OCA2: variants seen among roughly 807,000 people sequenced by gnomAD.
The protein encoded by OCA2 is OCA2 melanosomal transmembrane protein.
OCA2 carries 77 observed loss-of-function variants against 100.2 expected under a neutral mutation model. The observed-to-expected ratio is 0.77, with a 90% CI of 0.64 to 0.93. The LOEUF (loss-of-function observed/expected upper bound fraction) is 0.93, where lower values mean the gene tolerates loss of function less well. Among genes scored for constraint, OCA2 ranks in the 40% least tolerant of loss-of-function variants. The pLI, the probability that OCA2 is intolerant of heterozygous loss-of-function variation, is 0.00. For synonymous variants in OCA2, 432 were observed against 439.2 expected, an observed-to-expected ratio of 0.98 and a Z score of 0.21; for missense variants, 1,062 against 1,089.1, an observed-to-expected ratio of 0.98 and a Z score of 0.35.
rs368293640 is a variant in OCA2, at chr15:27,824,578, T to TTC, written c.2432+20379_2432+20380dup. On this transcript the variant is annotated intron_variant, in intron 23 of 23. Coordinates refer to ENST00000354638, the MANE Select transcript of OCA2 (RefSeq NM_000275.3). ...CTAATTTCTTTTGAATAAATACAATTTCTCTCTCTCTCTCTCTCTCTCTCT... is the reference window on the plus strand; with the variant it reads ...CTAATTTCTTTTGAATAAATACAATTTCTCTCTCTCTCTCTCTCTCTCTCTCT... Among the ~76,000 whole-genome samples, 167 of 53,602 alleles carry TTC rather than the reference T, an allele frequency of 3.1e-3. 13 individuals are homozygous for TTC. The highest frequency in any genetic ancestry group is 0.013 in the South Asian group (10 of 754). The allele number at this position is 53,602 out of a possible 152,430, so 35.2% of individuals were successfully genotyped here.
intron 9 of OCA2, among the ~76,000 whole-genome samples, chr15:28,010,540 A>G (rs1317838180): frequency 2.0e-5 from 3 of 152,232 alleles, no homozygotes; most frequent in African/African-American, 7.2e-5. Flanking sequence ...TAATACACAG[A>G]AAAATGTATT....
chr15:27,864,486 T>C (rs1056010972), intron 21 of OCA2, among the ~76,000 whole-genome samples: 5 of 152,202 alleles, frequency 3.3e-5, no homozygotes, highest in African/African-American at 1.2e-4. Flanking sequence ...TCTCACATCC[T>C]CTGAAAGAGT....
At chr15:27,823,531 A>G (rs1229008399) in intron 23 of OCA2, among the ~76,000 whole-genome samples, 1 of 152,258 alleles carries the variant, frequency 6.6e-6, no homozygotes, top group Non-Finnish European at 1.5e-5. Flanking sequence ...CTCATGCTAA[A>G]ACAACCAGCT....
At chr15:27,791,393 T>C (rs115723061) in intron 23 of OCA2, among the ~76,000 whole-genome samples, 191 of 152,226 alleles carry the variant, frequency 1.3e-3, no homozygotes, top group African/African-American at 4.2e-3. Flanking sequence ...TTTTTGTAAA[T>C]GAAAGAAGCC....
chr15:27,743,989 A>G, the OCA2 span, among the ~76,000 whole-genome samples: 1 of 152,060 alleles, frequency 6.6e-6, no homozygotes, highest in Non-Finnish European at 1.5e-5. Flanking sequence ...CCCCCAGGAA[A>G]CCTCTCACTG....
intron 19 of OCA2, among the ~76,000 whole-genome samples, chr15:27,923,346 T>C (rs2038934052): frequency 6.6e-6 from 1 of 152,218 alleles, no homozygotes; most frequent in Non-Finnish European, 1.5e-5. Context: ...CAAGAATTTA[T>C]ATTCTTTTTT....
At chr15:28,003,910 GA>G (rs1227772978) in intron 9 of OCA2, among the ~76,000 whole-genome samples, 2 of 152,232 alleles carry the variant, frequency 1.3e-5, no homozygotes, top group African/African-American at 2.4e-5. Context: ...CCCGAGCGGG[GA>G]AAGGTGACCT....
intron 19 of OCA2, among the ~76,000 whole-genome samples, chr15:27,916,132 G>A (rs1213905506): frequency 6.6e-6 from 1 of 152,116 alleles, no homozygotes; most frequent in Non-Finnish European, 1.5e-5. Flanking sequence ...TTATAAGTAG[G>A]AGCTAAACAT....
At chr15:27,896,152 C>T in intron 19 of OCA2, 1 of 974,104 alleles carries the variant, frequency 1.0e-6, no homozygotes, top group Non-Finnish European at 1.6e-6. Flanking sequence ...GCCAGAACTA[C>T]CAGTGGCAAT....
At chr15:27,838,119 A>T (rs2035223084) in intron 23 of OCA2, among the ~76,000 whole-genome samples, 1 of 152,124 alleles carries the variant, frequency 6.6e-6, no homozygotes, top group African/African-American at 2.4e-5. Flanking sequence ...CCACATGTAA[A>T]CCAGGAAACA....
chr15:27,805,840 G>A (rs541554763), intron 23 of OCA2, among the ~76,000 whole-genome samples: 12 of 152,220 alleles, frequency 7.9e-5, no homozygotes, highest in African/African-American at 2.6e-4. Flanking sequence ...CAGCCAGAGC[G>A]AGACCCTCAC....
chr15:27,829,136 T>C (rs1339548975), intron 23 of OCA2, among the ~76,000 whole-genome samples: 1 of 151,962 alleles, frequency 6.6e-6, no homozygotes, highest in Admixed American at 6.6e-5. Flanking sequence ...AAAATCGACC[T>C]ACAACAAGGG....
At chr15:27,802,508 A>G (rs2033658148) in intron 23 of OCA2, among the ~76,000 whole-genome samples, 1 of 152,172 alleles carries the variant, frequency 6.6e-6, no homozygotes, top group African/African-American at 2.4e-5. Flanking sequence ...AACACCAAAA[A>G]AACCTGAAAG....
Position 28,081,639 on chromosome 15 carries a change from T to C in OCA2, c.227+9A>G, listed in dbSNP as rs761712498. 1.9e-6 allele frequency: 3 copies of C among 1,612,416 alleles called. No homozygotes were observed. The South Asian group carries it at 3.3e-5, about 18-fold the overall frequency. ...CCACATTTACAAGATGGCACTATTTTAAACTCACCTCCCTTTTGTGAGGAA... is the reference window on the plus strand; with the variant it reads ...CCACATTTACAAGATGGCACTATTTCAAACTCACCTCCCTTTTGTGAGGAA... On this transcript the variant is annotated intron_variant, in intron 2 of 23. Transcript: ENST00000354638.
downstream of OCA2, among the ~76,000 whole-genome samples, chr15:27,750,264 T>C (rs7165937): frequency 0.029 from 4,340 of 152,248 alleles, 90 homozygotes; most frequent in Non-Finnish European, 0.043. Context: ...CAAATTAACC[T>C]GTATATTGAA....
At chr15:27,787,645 T>A (rs1369922617) in intron 23 of OCA2, among the ~76,000 whole-genome samples, 2 of 151,982 alleles carry the variant, frequency 1.3e-5, no homozygotes, top group Non-Finnish European at 2.9e-5. Context: ...CCTTTATTAG[T>A]CTCATGAACA....
At chr15:27,881,061 T>A (rs2036993524) in intron 19 of OCA2, among the ~76,000 whole-genome samples, 1 of 152,218 alleles carries the variant, frequency 6.6e-6, no homozygotes, top group African/African-American at 2.4e-5. Context: ...TGAGAGTTTT[T>A]AACATGAAAG....
At chr15:27,824,390 A>C (rs2034620510) in intron 23 of OCA2, among the ~76,000 whole-genome samples, 1 of 151,780 alleles carries the variant, frequency 6.6e-6, no homozygotes, top group Non-Finnish European at 1.5e-5. Flanking sequence ...AGAAAGAAGG[A>C]AAGAAAGAAA....
intron 2 of OCA2, among the ~76,000 whole-genome samples, chr15:28,040,572 G>C (rs7170145): frequency 4.9e-4 from 75 of 152,134 alleles, no homozygotes; most frequent in African/African-American, 1.7e-3. Context: ...TTTTTGAAGA[G>C]ATTAACAAAA....
Sources: gnomAD v4.1 joint callset for allele counts (sites outside exome capture counted in the v4.1 genomes callset) on GRCh38, gnomAD v4.1.1 for gene constraint, MANE v1.5 for transcripts, NCBI Gene and HGNC (gene_info 2026-07-23, HGNC 2026-07-21) for gene names.